Variants in P2RX4 observed in about 807,000 individuals in gnomAD.
P2RX4 encodes the protein P2X purinoceptor 4.
In P2RX4, 37 loss-of-function variants were observed where a neutral mutation model predicts 48.0. That is an observed-to-expected ratio of 0.77 (90% CI 0.59 to 1.01). The LOEUF (loss-of-function observed/expected upper bound fraction) is 1.01. P2RX4 is among the 50% of genes least tolerant of loss of function. The pLI is 0.00. For missense variants in P2RX4, 501 were observed against 521.4 expected, an observed-to-expected ratio of 0.96 and a Z score of 0.38; for synonymous variants, 200 against 199.7, an observed-to-expected ratio of 1.00 and a Z score of -0.01.
chr12:121,219,113 G>A (rs568069253), intron 2 of P2RX4, among the ~76,000 whole-genome samples: 51 of 152,254 alleles, frequency 3.3e-4, no homozygotes, highest in African/African-American at 1.2e-3. Context: ...TCGTAGGAGC[G>A]GCCTTCTCTA....
chr12:121,224,843 T>G (rs946376779), intron 5 of P2RX4, among the ~76,000 whole-genome samples: 9 of 150,870 alleles, frequency 6.0e-5, no homozygotes, highest in African/African-American at 1.7e-4. Context: ...CCTGGGTGTG[T>G]TGAGACAGAA....
At position 121,223,265 on chromosome 12, in the gene P2RX4, G is replaced by A. The variant is rs141044387; in HGVS notation, c.524+222G>A. 1.7e-3 allele frequency: 827 copies of A among 478,940 alleles called. 11 individuals are homozygous for A. The highest frequency in any genetic ancestry group is 0.014 in the South Asian group (637 of 44,218). The allele number at this position is 478,940 out of a possible 1,614,324, so 29.7% of individuals were successfully genotyped here. A position where few individuals can be genotyped will look rare whatever the true frequency, so the allele number is the denominator to read the frequency against. On this transcript the variant is annotated intron_variant, in intron 5 of 11. Coordinates refer to ENST00000337233, the MANE Select transcript of P2RX4 (RefSeq NM_002560.3). ...AATTTTTTGTATTTTTAGTAGAGACGGGGTTTTGCCATGTTGGCCACGCTG... is the reference window on the plus strand; with the variant it reads ...AATTTTTTGTATTTTTAGTAGAGACAGGGTTTTGCCATGTTGGCCACGCTG...
In P2RX4 at chr12:121,222,998, A is replaced by C; in HGVS notation, c.479A>C (p.Glu160Ala). Reference sequence around the variant, plus strand: ...TTCAACGGGTCTGTCAAGACGTGTGAGGTGGCGGCCTGGTGCCCGGTGGAG... The same window carrying C: ...TTCAACGGGTCTGTCAAGACGTGTGCGGTGGCGGCCTGGTGCCCGGTGGAG... ...VAFNGSVKTC[E>A]VAAWCPVEDD... Residue 160 changes from glutamate (E) to alanine (A), a missense_variant, in exon 5 of 12, where the codon GAG becomes GCG. Physicochemically the swap from Glu to Ala is moderately radical, Grantham distance 107. Coordinates refer to ENST00000337233, the MANE Select transcript of P2RX4 (RefSeq NM_002560.3). 6.2e-7 allele frequency: 1 copy of C among 1,613,758 alleles called. No individual in the cohort carries two copies. The highest frequency in any genetic ancestry group is 8.5e-7 in the Non-Finnish European group (1 of 1,179,662).
intron 8 of P2RX4, among the ~76,000 whole-genome samples, chr12:121,231,677 T>A (rs927746524): frequency 2.0e-5 from 3 of 152,192 alleles, no homozygotes; most frequent in Non-Finnish European, 4.4e-5. Flanking sequence ...TTTGTTCATC[T>A]CTTTATCTGT....
intron 8 of P2RX4, among the ~76,000 whole-genome samples, chr12:121,230,125 G>A (rs1887244113): frequency 1.3e-5 from 2 of 152,312 alleles, no homozygotes; most frequent in East Asian, 3.9e-4. Flanking sequence ...GCTCCAGGCC[G>A]GGCGCAGTGA....
chr12:121,210,333 G>C, intron 1 of P2RX4, 35 bp downstream of exon 1: 1 of 1,475,238 alleles, frequency 6.8e-7, no homozygotes, highest in Non-Finnish European at 9.0e-7. Flanking sequence ...CGCGGCGGGT[G>C]CTGCCCTCGC....
chr12:121,220,537 G>T (rs1886529269), intron 2 of P2RX4, among the ~76,000 whole-genome samples: 2 of 152,118 alleles, frequency 1.3e-5, no homozygotes, highest in African/African-American at 4.8e-5. Flanking sequence ...TCAGGAGGGT[G>T]AGGCTGGAGA....
In P2RX4 at chr12:121,233,690, GC is replaced by G; in HGVS notation, c.*142del. 6.5e-7 allele frequency: 1 copy of G among 1,528,594 alleles called. No individual in the cohort carries two copies. The highest frequency in any genetic ancestry group is 1.2e-5 in the South Asian group (1 of 80,760). The allele number at this position is 1,528,594 out of a possible 1,614,324, so 94.7% of individuals were successfully genotyped here. On this transcript the variant is annotated 3_prime_UTR_variant, in exon 12 of 12. Coordinates refer to ENST00000337233, the MANE Select transcript of P2RX4 (RefSeq NM_002560.3). The stretch of plus-strand genomic sequence containing the variant: ...CTCCACAAGCACTCAGGGTTCCCCA[GC>G]AGCTCCTGTGTGTTGTGTGCAGGAT...
chr12:121,212,824 A>ATATATATATATTTTTT (rs370835501), intron 1 of P2RX4: 2 of 32,250 alleles, frequency 6.2e-5, no homozygotes, highest in East Asian at 1.1e-3. Flanking sequence ...ATATATATAT[A>ATATATATATATTTTTT]TTTTTTTTTT....
chr12:121,211,333 G>T (rs542228399), intron 1 of P2RX4, among the ~76,000 whole-genome samples: 20 of 152,060 alleles, frequency 1.3e-4, no homozygotes, highest in Non-Finnish European at 2.5e-4. Flanking sequence ...CTCCTGAGTG[G>T]CTGGGATTAC....
intron 11 of P2RX4, 122 bp from the exon 12 acceptor site, chr12:121,233,401 G>T: frequency 2.0e-6 from 2 of 1,001,506 alleles, no homozygotes; most frequent in Non-Finnish European, 3.1e-6. Flanking sequence ...AGGAAGGGTT[G>T]GGTTCCAGGC....
chr12:121,210,451 C>T (rs1257982387), intron 1 of P2RX4, among the ~76,000 whole-genome samples, 153 bp downstream of exon 1: 5 of 152,054 alleles, frequency 3.3e-5, no homozygotes, highest in East Asian at 1.9e-4. Context: ...CGCGCCGGGG[C>T]CCCGGGGGCG....
Position 121,210,296 on chromosome 12 carries a change from C to G in P2RX4, c.132C>G (p.Ile44Met), listed in dbSNP as rs1489088277. 3.2e-6 allele frequency: 5 copies of G among 1,540,134 alleles called. No individual in the cohort carries two copies. The African/African-American group carries it at 5.7e-5, about 18-fold the overall frequency. ...AVQLLILAYVIGWVFVWEKGY... is the reference protein window; with the variant it reads ...AVQLLILAYVMGWVFVWEKGY... ...AACTGCTCATCCTGGCCTACGTCAT[C>G]GGGTGAGCGTGGGGCCGCGCGGGGG... The change falls in exon 1 of 12, where the codon ATC (isoleucine) becomes ATG (methionine). Residue 44 changes from isoleucine (I) to methionine (M), a missense_variant and splice_region_variant. Ile to Met is a conservative substitution (Grantham distance 10). Coordinates refer to ENST00000337233, the MANE Select transcript of P2RX4 (RefSeq NM_002560.3).
At chr12:121,222,517 A>G (rs1192047547) in intron 4 of P2RX4, 2 of 445,706 alleles carry the variant, frequency 4.5e-6, no homozygotes, top group Non-Finnish European at 8.6e-6. Flanking sequence ...GTTTCAAACA[A>G]TTCTCCTGCC....
At chr12:121,213,511 A>G (rs1322681429) in intron 1 of P2RX4, 2 of 152,312 alleles carry the variant, frequency 1.3e-5, no homozygotes, top group East Asian at 3.9e-4. Flanking sequence ...GTTACACAGA[A>G]TATATCATTA....
intron 5 of P2RX4, among the ~76,000 whole-genome samples, chr12:121,227,062 C>G (rs1653599): frequency 6.6e-6 from 1 of 151,606 alleles, no homozygotes; most frequent in South Asian, 2.1e-4. Flanking sequence ...GAGCCGAGAT[C>G]GCGGCATTGC....
intron 4 of P2RX4, 24 bp from the exon 5 acceptor site, chr12:121,222,923 C>T: frequency 6.4e-7 from 1 of 1,569,454 alleles, no homozygotes. Context: ...ACATGGGACC[C>T]CCCTGCCACC....
chr12:121,231,802 G>C (rs1189890082), intron 8 of P2RX4, among the ~76,000 whole-genome samples: 1 of 152,010 alleles, frequency 6.6e-6, no homozygotes, highest in African/African-American at 2.4e-5. Context: ...TCAAGAGATT[G>C]AGACCATCAT....
chr12:121,210,381 C>T (rs1335425639), intron 1 of P2RX4, 83 bp downstream of exon 1: 22 of 1,295,018 alleles, frequency 1.7e-5, no homozygotes, highest in Non-Finnish European at 2.1e-5. Flanking sequence ...GCCTCGGTCA[C>T]CTGGGCGAGT....
Sources: allele counts gnomAD v4.1 joint callset (sites outside exome capture counted in the v4.1 genomes callset), GRCh38; gene constraint gnomAD v4.1.1; transcripts MANE v1.5; gene names NCBI Gene and HGNC (gene_info 2026-07-23, HGNC 2026-07-21).